FTCD: variants seen among roughly 807,000 people sequenced by gnomAD.
The protein encoded by FTCD is formimidoyltransferase cyclodeaminase, also known as formimidoyltransferase-cyclodeaminase.
Under a neutral mutation model 62.9 loss-of-function variants are expected in FTCD, and 76 were observed. The ratio of observed to expected loss-of-function variants is 1.21; its 90% CI spans 1.00 to 1.46. FTCD has a LOEUF of 1.46. Among genes scored for constraint, FTCD ranks in the 40% most tolerant of loss-of-function variants. FTCD has a pLI of 0.00. For missense variants in FTCD, 845 were observed against 751.3 expected, an observed-to-expected ratio of 1.12 and a Z score of -1.46; for synonymous variants, 397 against 336.9, an observed-to-expected ratio of 1.18 and a Z score of -1.95.
At chr21:46,145,373 G>A (rs1239333178) in intron 10 of FTCD, 44 bp downstream of exon 10, 9 of 1,485,992 alleles carry the variant, frequency 6.1e-6, no homozygotes, top group South Asian at 2.5e-5. Context: ...CTGGGGGTTC[G>A]CTGTTGGTGG....
At chr21:46,155,076 A>C (rs2079397966) in intron 1 of FTCD, among the ~76,000 whole-genome samples, 1 of 152,188 alleles carries the variant, frequency 6.6e-6, no homozygotes. Flanking sequence ...GTGGAGATGG[A>C]GAGGCGGCAG....
chr21:46,149,239 G>C (rs1227584496), intron 7 of FTCD, among the ~76,000 whole-genome samples: 1 of 152,192 alleles, frequency 6.6e-6, no homozygotes, highest in Non-Finnish European at 1.5e-5. Flanking sequence ...ACCAATGATT[G>C]AGGCTGGGTT....
intron 10 of FTCD, among the ~76,000 whole-genome samples, chr21:46,141,529 G>A (rs1338671660): frequency 2.0e-5 from 3 of 152,048 alleles, no homozygotes; most frequent in African/African-American, 7.2e-5. Context: ...TTAAAGTATA[G>A]AAAAGATCAT....
chr21:46,137,762 G>A (rs1442887122), intron 12 of FTCD, among the ~76,000 whole-genome samples: 3 of 152,206 alleles, frequency 2.0e-5, no homozygotes, highest in Non-Finnish European at 4.4e-5. Flanking sequence ...AGAACCCGAA[G>A]ACCATGAGGT....
Position 46,150,165 on chromosome 21 carries a change from T to C in FTCD, c.860A>G (p.Glu287Gly). 6.2e-7 allele frequency: 1 copy of C among 1,610,398 alleles called. No individual in the cohort carries two copies. The highest frequency in any genetic ancestry group is 8.5e-7 in the Non-Finnish European group (1 of 1,179,028). ...CTCCAGGATGAAGAGGTTCTCCTTC[T>C]CGCAGTAGAAGGCGGCCGCATCCAG... ...ALLDAAAFYC[E>G]KENLFILEEE... The change falls in exon 7 of 14, where the codon GAG (glutamate) becomes GGG (glycine). Residue 287 changes from glutamate (E) to glycine (G), a missense_variant. Coordinates refer to ENST00000397746, the MANE Select transcript of FTCD (RefSeq NM_206965.2).
At chr21:46,140,538 G>A (rs1038912997) in intron 10 of FTCD, among the ~76,000 whole-genome samples, 1 of 146,096 alleles carries the variant, frequency 6.8e-6, no homozygotes, top group Non-Finnish European at 1.5e-5. Context: ...TTGCTCAGAG[G>A]GAGTGTAAAC....
intron 3 of FTCD, 133 bp downstream of exon 3, chr21:46,152,774 G>C: frequency 1.3e-6 from 1 of 747,470 alleles, no homozygotes; most frequent in Non-Finnish European, 2.1e-6. Context: ...CTGCGCTTCT[G>C]CATGTTGGCT....
chr21:46,143,823 G>A (rs541278714), intron 10 of FTCD, among the ~76,000 whole-genome samples: 1 of 152,298 alleles, frequency 6.6e-6, no homozygotes, highest in East Asian at 1.9e-4. Flanking sequence ...TTCTCCAGGG[G>A]AGTTTGAAGA....
chr21:46,143,736 C>T (rs978861840), intron 10 of FTCD, among the ~76,000 whole-genome samples: 13 of 152,136 alleles, frequency 8.5e-5, no homozygotes, highest in Non-Finnish European at 1.5e-4. Flanking sequence ...CGTTACCAAG[C>T]GGAGCATGGT....
intron 8 of FTCD, 62 bp from the exon 9 acceptor site, chr21:46,146,009 CG>C: frequency 1.9e-6 from 2 of 1,066,372 alleles, no homozygotes. Flanking sequence ...GCAGTCCTCC[CG>C]GGGCGGCCCC....
At chr21:46,147,967 G>C (rs939113312) in intron 7 of FTCD, among the ~76,000 whole-genome samples, 1 of 149,068 alleles carries the variant, frequency 6.7e-6, no homozygotes, top group Non-Finnish European at 1.5e-5. Flanking sequence ...AAAAGAAGAA[G>C]ACAAAACGCC....
Position 46,145,837 on chromosome 21 carries a change from G to A in FTCD, c.1079C>T (p.Ala360Val), listed in dbSNP as rs1280366533. The change falls in exon 9 of 14, where the codon GCG (alanine) becomes GTG (valine). Residue 360 changes from alanine to valine, a missense_variant. Physicochemically the swap from Ala to Val is moderately conservative, Grantham distance 64 (BLOSUM62 0). Coordinates refer to ENST00000397746, the MANE Select transcript of FTCD (RefSeq NM_206965.2). ...RSAAPGGGSV[A>V]AAAAAMGAAL... ...GCTCACCATGGCCGCAGCGGCCGCC[G>A]CCACCGAGCCGCCCCCGGGGGCCGC... is the stretch of plus-strand genomic sequence containing the variant. 11 of 873,802 alleles carry A rather than the reference G, an allele frequency of 1.3e-5. No homozygotes were observed. The highest frequency in any genetic ancestry group is 2.9e-5 in the South Asian group (1 of 33,942). The allele number at this position is 873,802 out of a possible 1,614,324, so 54.1% of individuals were successfully genotyped here. A position where few individuals can be genotyped will look rare whatever the true frequency, so the allele number is the denominator to read the frequency against.
chr21:46,151,491 G>C (rs2079272638), intron 5 of FTCD, 67 bp downstream of exon 5: 2 of 1,428,652 alleles, frequency 1.4e-6, no homozygotes, highest in East Asian at 2.3e-5. Flanking sequence ...CCCGCCTGAG[G>C]CTCTCAGCCT....
At chr21:46,143,498 GATT>G (rs1759260975) in intron 10 of FTCD, among the ~76,000 whole-genome samples, 1 of 152,106 alleles carries the variant, frequency 6.6e-6, no homozygotes, top group Non-Finnish European at 1.5e-5. Context: ...TCATAGATAT[GATT>G]ATATATAATT....
rs750667039 is a variant in FTCD at position 46,138,938 on chromosome 21, C to G, written c.1261-15G>C. 5.0e-6 allele frequency: 8 copies of G among 1,609,088 alleles called. No homozygotes were observed. In the East Asian group the frequency reaches 1.1e-4, roughly 22 times the overall value. On this transcript the variant is annotated splice_polypyrimidine_tract_variant and intron_variant, in intron 10 of 13. Coordinates refer to ENST00000397746, the MANE Select transcript of FTCD (RefSeq NM_206965.2). Reference sequence around the variant, plus strand: ...CTCATTGCTTCCTGCCATAAAGAGACAGAACCACTGGGCGAGGGACCGTAG... The same window carrying G: ...CTCATTGCTTCCTGCCATAAAGAGAGAGAACCACTGGGCGAGGGACCGTAG...
At chr21:46,153,738 G>A (rs2079360456) in intron 2 of FTCD, among the ~76,000 whole-genome samples, 1 of 152,246 alleles carries the variant, frequency 6.6e-6, no homozygotes, top group African/African-American at 2.4e-5. Context: ...GGCCCTGCCT[G>A]CCCACCGAGG....
chr21:46,154,034 G>A lies in FTCD; in HGVS notation c.238+115C>T, dbSNP rs2079368549. 6 of 1,068,964 alleles carry A rather than the reference G, an allele frequency of 5.6e-6. 1 individual carries two copies. Among genetic ancestry groups the A allele is most frequent in the Middle Eastern group, 2.4e-4 (1 of 4,110 alleles). The allele number at this position is 1,068,964 out of a possible 1,614,324, so 66.2% of individuals were successfully genotyped here. ...AGGAGAGCCAGAGCCAGCCCCACTG[G>A]ACCCCACGTTCCAAGCCTGGGCCCC... On this transcript the variant is annotated intron_variant, in intron 2 of 13. Coordinates refer to ENST00000397746, the MANE Select transcript of FTCD (RefSeq NM_206965.2).
At chr21:46,149,653 C>T (rs2079221214) in intron 7 of FTCD, among the ~76,000 whole-genome samples, 1 of 152,162 alleles carries the variant, frequency 6.6e-6, no homozygotes, top group African/African-American at 2.4e-5. Flanking sequence ...ACCTGAGGCC[C>T]CGGTGGAACC....
At chr21:46,141,501 C>G (rs1166734074) in intron 10 of FTCD, among the ~76,000 whole-genome samples, 1 of 152,034 alleles carries the variant, frequency 6.6e-6, no homozygotes, top group Non-Finnish European at 1.5e-5. Flanking sequence ...CTGTCCGGGT[C>G]TAAAGTTCAT....
Sources: allele counts gnomAD v4.1 joint callset (sites outside exome capture counted in the v4.1 genomes callset), GRCh38; gene constraint gnomAD v4.1.1; transcripts MANE v1.5; gene names NCBI Gene and HGNC (gene_info 2026-07-23, HGNC 2026-07-21).